The following SEC14L6 variants were observed in gnomAD, a reference collection of about 807,000 sequenced individuals.
The protein encoded by SEC14L6 is SEC14 like lipid binding 6.
In SEC14L6, 40 loss-of-function variants were observed where a neutral mutation model predicts 54.1. The ratio of observed to expected loss-of-function variants is 0.74; its 90% CI spans 0.57 to 0.96. The LOEUF is 0.96. Ranked by LOEUF, SEC14L6 falls within the 40% of genes least tolerant of loss-of-function variation. SEC14L6 has a pLI of 0.00. For synonymous variants in SEC14L6, 171 were observed against 198.4 expected (o/e 0.86, Z 1.16); for missense variants, 471 against 498.3 (o/e 0.95, Z 0.52).
In SEC14L6 at chr22:30,534,042, GC is replaced by G. The variant is rs1189239895; in HGVS notation, c.131-4del. 2 of 1,550,690 alleles carry G rather than the reference GC, an allele frequency of 1.3e-6. No homozygotes were observed. The highest frequency in any genetic ancestry group is 3.9e-5 in the Admixed American group (2 of 50,988). On this transcript the variant is annotated splice_polypyrimidine_tract_variant and splice_region_variant and intron_variant, in intron 2 of 11. Transcript: ENST00000402034. ...TTTCTGCAGGTCAAAGCTCCGAGCT[GC>G]AACAAGAGACAGGGTTATGGTTGTG...
intron 1 of SEC14L6, among the ~76,000 whole-genome samples, chr22:30,542,228 C>T (rs1341434656): frequency 6.6e-6 from 1 of 152,212 alleles, no homozygotes; most frequent in African/African-American, 2.4e-5. Flanking sequence ...GGCCCGCACC[C>T]ACCCCCAAGA....
At chr22:30,539,394 C>T (rs868147390) in intron 1 of SEC14L6, among the ~76,000 whole-genome samples, 1 of 152,100 alleles carries the variant, frequency 6.6e-6, no homozygotes, top group African/African-American at 2.4e-5. Flanking sequence ...AAAGAACCTA[C>T]TACACTAAAC....
chr22:30,543,276 G>C (rs2085757082), intron 1 of SEC14L6: 6 of 1,587,074 alleles, frequency 3.8e-6, no homozygotes, highest in Non-Finnish European at 5.2e-6. Context: ...TCACCTTGCG[G>C]GGGGACTCTT....
chr22:30,526,148 T>C (rs1387717435), intron 8 of SEC14L6, among the ~76,000 whole-genome samples: 1 of 152,082 alleles, frequency 6.6e-6, no homozygotes, highest in African/African-American at 2.4e-5. Context: ...GACTAGGTCC[T>C]GTCCCAGGCC....
chr22:30,525,466 G>A lies in SEC14L6; in HGVS notation c.965C>T (p.Thr322Ile), dbSNP rs1015065877. Residue 322 changes from threonine to isoleucine, a missense_variant, in exon 11 of 12, where the codon ACC (threonine) becomes ATC (isoleucine). By Grantham distance (89) the Thr-to-Ile change is moderately conservative. Transcript: ENST00000402034. Reference protein sequence around the residue: ...GDIGFGVFLKTKMGERQRARE... With the variant: ...GDIGFGVFLKIKMGERQRARE... ...AGCCCTCTGCCGCTCCCCCATCTTG[G>A]TCTTCAGGAAAACCCCAAAGCCAAT... 1.9e-6 allele frequency: 3 copies of A among 1,613,992 alleles called. No homozygotes were observed. In the Admixed American group the frequency reaches 5.0e-5, roughly 27 times the overall value.
At chr22:30,531,472 C>G (rs898032711) in intron 6 of SEC14L6, among the ~76,000 whole-genome samples, 1 of 151,916 alleles carries the variant, frequency 6.6e-6, no homozygotes, top group African/African-American at 2.4e-5. Context: ...CGCCTGTAAT[C>G]CCAGCACTTT....
rs1936718738 is a variant in SEC14L6 at position 30,525,074 on chromosome 22, G to T, written c.1117C>A (p.His373Asn). The T allele has an allele frequency of 6.5e-7, 1 of 1,549,718 alleles. No individual in the cohort carries two copies. The highest frequency in any genetic ancestry group is 8.7e-7 in the Non-Finnish European group (1 of 1,146,194). The change falls in exon 12 of 12, where the codon CAT becomes AAT. Residue 373 changes from histidine (H) to asparagine (N), a missense_variant. His to Asn is a moderately conservative substitution (Grantham distance 68). Transcript: ENST00000402034. ...LRFYNTYSLV[H>N]SKRISYTVEV... ...ACGGTGTAGCTGATGCGTTTAGAAT[G>T]AACCAGGCTGTAGGTGTTGTAAAAC...
chr22:30,535,029 T>C (rs1937100468), intron 2 of SEC14L6, among the ~76,000 whole-genome samples: 1 of 80,512 alleles, frequency 1.2e-5, no homozygotes, highest in South Asian at 3.7e-4. Flanking sequence ...ACTCTGTCCC[T>C]ATAAAAAGAA....
chr22:30,531,386 G>A (rs1483363504), intron 6 of SEC14L6, among the ~76,000 whole-genome samples: 1 of 149,974 alleles, frequency 6.7e-6, no homozygotes, highest in Non-Finnish European at 1.5e-5. Flanking sequence ...CAACCTGGGT[G>A]ACAGAGCAAG....
At chr22:30,543,168 C>T (rs897669967) in intron 1 of SEC14L6, 86 of 1,603,722 alleles carry the variant, frequency 5.4e-5, no homozygotes, top group Non-Finnish European at 7.1e-5. Context: ...ACGTGGACCC[C>T]GCAAGAGAGA....
At chr22:30,534,640 A>G (rs185430946) in intron 2 of SEC14L6, among the ~76,000 whole-genome samples, 2,659 of 152,008 alleles carry the variant, frequency 0.017, 49 homozygotes, top group Middle Eastern at 0.048. Flanking sequence ...CGAACTCCTT[A>G]CCTCAAATGA....
intron 2 of SEC14L6, among the ~76,000 whole-genome samples, chr22:30,537,617 G>A (rs950452067): frequency 2.0e-5 from 3 of 152,102 alleles, no homozygotes; most frequent in African/African-American, 7.2e-5. Context: ...GAGAGCGAGC[G>A]AGCAAGCCTA....
chr22:30,536,893 G>A (rs943056862), intron 2 of SEC14L6, among the ~76,000 whole-genome samples: 1 of 151,532 alleles, frequency 6.6e-6, no homozygotes, highest in African/African-American at 2.4e-5. Flanking sequence ...TTGTGGTGGC[G>A]GGCACCTGTA....
rs1936679897 is a variant in SEC14L6, at chr22:30,523,762, G to C, written c.*1235C>G. ...ACGTGTATGTGGAAGACAGAATAGA[G>C]AGTTTAAAATTCTTTCTAGATGGGA... is the stretch of plus-strand genomic sequence containing the variant. On this transcript the variant is annotated 3_prime_UTR_variant, in exon 12 of 12. Transcript: ENST00000402034. 6.6e-6 allele frequency: 1 copy of C among 152,192 alleles called. No individual in the cohort carries two copies. Among genetic ancestry groups the C allele is most frequent in the African/African-American group, 2.4e-5 (1 of 41,446 alleles). The allele number at this position is 152,192 out of a possible 1,614,324, so 9.4% of individuals were successfully genotyped here.
intron 1 of SEC14L6, among the ~76,000 whole-genome samples, chr22:30,541,371 T>C (rs1306604405): frequency 6.6e-6 from 1 of 152,174 alleles, no homozygotes. Flanking sequence ...AAATAAAAAC[T>C]GTTCTGGCTG....
At chr22:30,530,976 C>T (rs994811513) in intron 6 of SEC14L6, among the ~76,000 whole-genome samples, 1 of 152,154 alleles carries the variant, frequency 6.6e-6, no homozygotes, top group Non-Finnish European at 1.5e-5. Context: ...ACAGGGACAT[C>T]CACAGGGACA....
Position 30,524,691 on chromosome 22 carries a change from A to C in SEC14L6, c.*306T>G. The C allele has an allele frequency of 1.5e-5, 4 of 272,802 alleles. No homozygotes were observed. The highest frequency in any genetic ancestry group is 2.9e-5 in the Non-Finnish European group (4 of 139,616). 16.9% of individuals were successfully genotyped at this position (272,802 alleles called of 1,614,324 possible). A position where few individuals can be genotyped will look rare whatever the true frequency, so the allele number is the denominator to read the frequency against. On this transcript the variant is annotated 3_prime_UTR_variant, in exon 12 of 12. Coordinates refer to ENST00000402034, the MANE Select transcript of SEC14L6 (RefSeq NM_001193336.4). Reference sequence around the variant, plus strand: ...CATGCCTGGCCTAATACTATATTTTAGAAGAGTAACTTATTTCTTGGTATT... The same window carrying C: ...CATGCCTGGCCTAATACTATATTTTCGAAGAGTAACTTATTTCTTGGTATT...
At chr22:30,525,256 C>G (rs1273828969) in intron 11 of SEC14L6, 94 bp downstream of exon 11, 1 of 1,470,594 alleles carries the variant, frequency 6.8e-7, no homozygotes, top group African/African-American at 1.4e-5. Context: ...CCCACCAGAA[C>G]CAAGGGCCCT....
intron 1 of SEC14L6, chr22:30,543,866 A>G: frequency 6.5e-7 from 1 of 1,545,874 alleles, no homozygotes; most frequent in Non-Finnish European, 8.9e-7. Flanking sequence ...GCGGACCTGA[A>G]CCTGCCCAAG....
Sources: allele counts gnomAD v4.1 joint callset (sites outside exome capture counted in the v4.1 genomes callset), GRCh38; gene constraint gnomAD v4.1.1; transcripts MANE v1.5; gene names NCBI Gene and HGNC (gene_info 2026-07-23, HGNC 2026-07-21).